HAPLN2: variants seen among roughly 807,000 people sequenced by gnomAD.
The protein encoded by HAPLN2 is brain link protein-1.
A neutral mutation model predicts 29.3 loss-of-function variants in HAPLN2; 27 were observed. The ratio of observed to expected loss-of-function variants is 0.92; its 90% confidence interval spans 0.68 to 1.27. The LOEUF (loss-of-function observed/expected upper bound fraction) is 1.27, where lower values mean the gene tolerates loss of function less well. Ranked by LOEUF, HAPLN2 falls within the 50% of genes most tolerant of loss-of-function variation. The probability of loss-of-function intolerance (pLI) is 0.00; values close to 1 mark genes in which losing one functional copy is unlikely to be tolerated. For synonymous variants in HAPLN2, 208 were observed against 211.7 expected (o/e 0.98, Z 0.15); for missense variants, 454 against 484.3 (o/e 0.94, Z 0.59).
chr1:156,602,578 C>T, the HAPLN2 span, among the ~76,000 whole-genome samples: 10 of 130,410 alleles, frequency 7.7e-5, no homozygotes, highest in Admixed American at 3.9e-4. Flanking sequence ...AAAAAAAAGC[C>T]GGGCATGGTG....
chr1:156,606,022 G>A, the HAPLN2 span, among the ~76,000 whole-genome samples: 1 of 152,122 alleles, frequency 6.6e-6, no homozygotes, highest in Non-Finnish European at 1.5e-5. Flanking sequence ...GGTGGCTCAC[G>A]CCTGTAATCC....
rs1455336829 is a variant in HAPLN2, at chr1:156,625,454, C to G, written c.*70C>G. 7.0e-7 allele frequency: 1 copy of G among 1,433,462 alleles called. No individual in the cohort carries two copies. The highest frequency in any genetic ancestry group is 1.5e-5 in the African/African-American group (1 of 68,162). 88.8% of individuals were successfully genotyped at this position (1,433,462 alleles called of 1,614,324 possible). On this transcript the variant is annotated 3_prime_UTR_variant, in exon 7 of 7. Transcript: ENST00000255039. The surrounding 1 kb of genome is among the most constrained non-coding windows in gnomAD (Gnocchi z 5.7). ...TCGTGGCGGGGGTCTCTCGCCACCCCTTTCCGGAGAGCCTCCCCTCCCTCC... is the reference window on the plus strand; with the variant it reads ...TCGTGGCGGGGGTCTCTCGCCACCCGTTTCCGGAGAGCCTCCCCTCCCTCC...
At chr1:156,623,730 T>G (rs1204790507) in intron 3 of HAPLN2, 77 bp from the exon 4 acceptor site, 1 of 1,481,302 alleles carries the variant, frequency 6.8e-7, no homozygotes, top group East Asian at 2.5e-5. Context: ...GGAGAAAGCA[T>G]TTGGGGAGCA....
chr1:156,615,732 G>A (rs781284688), upstream of HAPLN2, among the ~76,000 whole-genome samples: 9 of 151,938 alleles, frequency 5.9e-5, no homozygotes, highest in South Asian at 2.1e-4. Context: ...CATCATGCCC[G>A]GCTAACTTTT....
At chr1:156,603,999 A>G in the HAPLN2 span, among the ~76,000 whole-genome samples, 147,933 of 152,192 alleles carry the variant, frequency 0.97, 72,020 homozygotes, top group East Asian at 1. Flanking sequence ...GGGCTATGAG[A>G]GATCACAAGA....
the HAPLN2 span, among the ~76,000 whole-genome samples, chr1:156,608,087 A>T: frequency 6.6e-6 from 1 of 152,152 alleles, no homozygotes; most frequent in Non-Finnish European, 1.5e-5. Context: ...ATTTAAAATA[A>T]TTTTCACACG....
rs770331311 is a variant in HAPLN2, at chr1:156,624,474, G to C, written c.556+7G>C. On this transcript the variant is annotated splice_region_variant and intron_variant, in intron 5 of 6. Coordinates refer to ENST00000255039, the MANE Select transcript of HAPLN2 (RefSeq NM_021817.3). ...TACTCCCAGCTCTACCAGGGTGAGCGGCCGAACCCAGCACTTCCCAAGCCC... is the reference window on the plus strand; with the variant it reads ...TACTCCCAGCTCTACCAGGGTGAGCCGCCGAACCCAGCACTTCCCAAGCCC... 1 of 1,611,876 alleles carries C rather than the reference G, an allele frequency of 6.2e-7. No homozygotes were observed.
chr1:156,614,349 C>T (rs187073017), upstream of HAPLN2, among the ~76,000 whole-genome samples: 56 of 152,086 alleles, frequency 3.7e-4, no homozygotes, highest in African/African-American at 1.2e-3. Context: ...CTCAGCCTCC[C>T]GAGTAGCTGG....
chr1:156,623,037 A>AAAATAAATAAATAAATAAAT (rs56280786), intron 2 of HAPLN2, among the ~76,000 whole-genome samples: 4 of 111,434 alleles, frequency 3.6e-5, no homozygotes, highest in East Asian at 2.8e-4. Context: ...CTGTCTCAAA[A>AAAATAAATAAATAAATAAAT]AAATAAATAA....
chr1:156,620,209 G>A (rs1162315941), intron 2 of HAPLN2, 51 bp downstream of exon 2: 1 of 152,226 alleles, frequency 6.6e-6, no homozygotes, highest in African/African-American at 2.4e-5. Context: ...GGTATGAAGA[G>A]CATGTGTGTG....
chr1:156,624,211 C>T, intron 4 of HAPLN2, 51 bp downstream of exon 4: 1 of 1,554,038 alleles, frequency 6.4e-7, no homozygotes, highest in Non-Finnish European at 8.7e-7. Flanking sequence ...GGGTCCGCCT[C>T]GCCTGGGTCT....
chr1:156,614,205 A>C, the HAPLN2 span, among the ~76,000 whole-genome samples: 1 of 151,254 alleles, frequency 6.6e-6, no homozygotes, highest in African/African-American at 2.4e-5. Flanking sequence ...GTGAAAGAAC[A>C]TACAGCTATA....
chr1:156,623,445 G>T (rs558442010), intron 2 of HAPLN2, 22 bp from the exon 3 acceptor site: 8 of 1,604,018 alleles, frequency 5.0e-6, no homozygotes, highest in Non-Finnish European at 6.8e-6. Flanking sequence ...CCTAAGAACT[G>T]CCCACTCTTT....
intron 5 of HAPLN2, 25 bp downstream of exon 5, chr1:156,624,492 C>T: frequency 6.2e-7 from 1 of 1,609,720 alleles, no homozygotes; most frequent in Non-Finnish European, 8.5e-7. Flanking sequence ...CCAGCACTTC[C>T]CAAGCCCCGC....
At chr1:156,602,934 A>C in the HAPLN2 span, among the ~76,000 whole-genome samples, 1 of 152,090 alleles carries the variant, frequency 6.6e-6, no homozygotes, top group Admixed American at 6.6e-5. Flanking sequence ...TCCAAACAGA[A>C]AAATCGCCAT....
At chr1:156,604,406 C>T in the HAPLN2 span, among the ~76,000 whole-genome samples, 26 of 151,906 alleles carry the variant, frequency 1.7e-4, no homozygotes, top group Admixed American at 1.7e-3. Flanking sequence ...GATTCTGCCT[C>T]AGCCACCTGA....
upstream of HAPLN2, among the ~76,000 whole-genome samples, chr1:156,614,372 G>A (rs1383527576): frequency 1.3e-5 from 2 of 151,960 alleles, no homozygotes; most frequent in Non-Finnish European, 2.9e-5. Context: ...TCACAGGCAC[G>A]CGCCACCACA....
At chr1:156,609,953 C>A in the HAPLN2 span, among the ~76,000 whole-genome samples, 5 of 152,238 alleles carry the variant, frequency 3.3e-5, no homozygotes, top group South Asian at 1.0e-3. Context: ...CAGTGGCTCA[C>A]GCCTGTAATC....
chr1:156,616,971 C>G (rs553485051), upstream of HAPLN2, among the ~76,000 whole-genome samples: 1 of 151,956 alleles, frequency 6.6e-6, no homozygotes, highest in Admixed American at 6.6e-5. Flanking sequence ...CATCTGTGCA[C>G]CAAGCTACCT....
Sources: gnomAD v4.1 joint callset for allele counts (sites outside exome capture counted in the v4.1 genomes callset) on GRCh38, gnomAD v4.1.1 for gene constraint, Gnocchi (gnomAD v3.1) non-coding constraint, MANE v1.5 for transcripts, NCBI Gene and HGNC (gene_info 2026-07-23, HGNC 2026-07-21) for gene names.